Variants in FAM131A observed in about 807,000 individuals in gnomAD.
FAM131A encodes the protein family with sequence similarity 131 member A.
A neutral mutation model predicts 39.2 loss-of-function variants in FAM131A; 24 were observed. The ratio of observed to expected loss-of-function variants is 0.61; its 90% CI spans 0.44 to 0.86. FAM131A has a LOEUF of 0.86. FAM131A is among the 40% of genes least tolerant of loss of function. The pLI, the probability that FAM131A is intolerant of heterozygous loss-of-function variation, is 0.00. For missense variants in FAM131A, 373 were observed against 481.2 expected (o/e 0.78, Z 2.10); for synonymous variants, 202 against 206.8 (o/e 0.98, Z 0.20).
At position 184,345,073 on chromosome 3, in the gene FAM131A, CTAGAGGG is replaced by C. The variant is rs1727577073; in HGVS notation, c.*104_*110del. 4.4e-6 allele frequency: 5 copies of C among 1,131,896 alleles called. No individual in the cohort carries two copies. In the Admixed American group the frequency reaches 1.5e-4, roughly 34 times the overall value. The allele number at this position is 1,131,896 out of a possible 1,614,324, so 70.1% of individuals were successfully genotyped here. On this transcript the variant is annotated 3_prime_UTR_variant, in exon 6 of 6. Coordinates refer to ENST00000383847, the MANE Select transcript of FAM131A (RefSeq NM_144635.5). ...AAGGCTCCCAGCAGAGCTCCACAGC[CTAGAGGG>C]CTCCTGGGAGCGCTCGCTTCTCCGT...
rs764655184 is a variant in FAM131A, at chr3:184,341,424, G to T, written c.232-300G>T. On this transcript the variant is annotated intron_variant, in intron 2 of 5. Coordinates refer to ENST00000383847, the MANE Select transcript of FAM131A (RefSeq NM_144635.5). ...TTCCTCCTCTTCCCTCTCCTCAGAG[G>T]TCTCACTCGTGGTTCTTCATTTCCT... is the stretch of plus-strand genomic sequence containing the variant. 34 of 479,560 alleles carry T rather than the reference G, an allele frequency of 7.1e-5. 1 individual carries two copies. In the East Asian group the frequency reaches 1.3e-3, roughly 19 times the overall value. The allele number at this position is 479,560 out of a possible 1,614,324, so 29.7% of individuals were successfully genotyped here.
rs543561165 is a variant in FAM131A, at chr3:184,342,722, A to G, written c.509-22A>G. The G allele has an allele frequency of 2.5e-6, 4 of 1,602,638 alleles. 1 individual carries two copies. In the East Asian group the frequency reaches 9.0e-5, roughly 36 times the overall value. ...TAGACTTAGCTCACCTTCTCTGCTT[A>G]TGCATTCTGTCCCTGCGACAGGAGT... On this transcript the variant is annotated intron_variant, in intron 4 of 5. Coordinates refer to ENST00000383847, the MANE Select transcript of FAM131A (RefSeq NM_144635.5). This position sits in a 1 kb window ranked among gnomAD's most constrained non-coding sequence, Gnocchi z 4.6.
Position 184,338,300 on chromosome 3 carries a change from C to A in FAM131A, c.89-87C>A, listed in dbSNP as rs866254404. 46 of 1,347,958 alleles carry A rather than the reference C, an allele frequency of 3.4e-5. No homozygotes were observed. In the Middle Eastern group the frequency reaches 1.5e-3, roughly 45 times the overall value. 83.5% of individuals were successfully genotyped at this position (1,347,958 alleles called of 1,614,324 possible). ...GTCTTCTGGAAGGTGGGGGAGGGGC[C>A]GAGAAATGATACGGCAATACTGGAT... is the stretch of plus-strand genomic sequence containing the variant. On this transcript the variant is annotated intron_variant, in intron 1 of 5. Transcript: ENST00000383847.
rs751326317 is a variant in FAM131A, at chr3:184,345,480, C to T, written c.*510C>T. On this transcript the variant is annotated 3_prime_UTR_variant, in exon 6 of 6. Coordinates refer to ENST00000383847, the MANE Select transcript of FAM131A (RefSeq NM_144635.5). ...CCCTCCCGGAGCCTATGGGTTGAGC[C>T]GTCCCTCAAGGGCCCCTGCCCAGCT... The T allele has an allele frequency of 9.8e-5, 69 of 702,056 alleles. 2 individuals are homozygous for T. The highest frequency in any genetic ancestry group is 8.0e-4 in the South Asian group (54 of 67,464). The allele number at this position is 702,056 out of a possible 1,614,324, so 43.5% of individuals were successfully genotyped here.
At position 184,345,016 on chromosome 3, in the gene FAM131A, G is replaced by T; in HGVS notation, c.*46G>T. On this transcript the variant is annotated 3_prime_UTR_variant, in exon 6 of 6. Transcript: ENST00000383847. ...GGCATGCATCCCCCGGCTGCTGCCA[G>T]GGGCAGAGCCTCTGTGCCCAAGTGT... The T allele has an allele frequency of 1.4e-6, 2 of 1,456,316 alleles. No individual in the cohort carries two copies. The highest frequency in any genetic ancestry group is 1.8e-6 in the Non-Finnish European group (2 of 1,100,550). 90.2% of individuals were successfully genotyped at this position (1,456,316 alleles called of 1,614,324 possible).
At chr3:184,343,452 C>A (rs1424514678) in intron 5 of FAM131A, among the ~76,000 whole-genome samples, 1 of 152,240 alleles carries the variant, frequency 6.6e-6, no homozygotes, top group African/African-American at 2.4e-5. Flanking sequence ...GCCCTCCTTT[C>A]ATCTTTCATT....
At chr3:184,336,584 T>C (rs1477261840), upstream of FAM131A, among the ~76,000 whole-genome samples, 1 of 152,100 alleles carries the variant, frequency 6.6e-6, no homozygotes, top group Non-Finnish European at 1.5e-5. This position sits in a 1 kb window ranked among gnomAD's most constrained non-coding sequence, Gnocchi z 5.5. Flanking sequence ...CTTAAAGAGG[T>C]AGCCTTTCGG....
chr3:184,341,396 T>C, intron 2 of FAM131A: 1 of 388,270 alleles, frequency 2.6e-6, no homozygotes, highest in South Asian at 2.8e-5. Flanking sequence ...ACACTCTTCT[T>C]CCTTCCTCCT....
rs574874991 is a variant in FAM131A, at chr3:184,338,158, T to G, written c.89-229T>G. ...TCACCCTAGGGTTTTGAGGCAAAAT[T>G]TATCCAGAGCAGGAAGGTGGCAAGT... On this transcript the variant is annotated intron_variant, in intron 1 of 5. Coordinates refer to ENST00000383847, the MANE Select transcript of FAM131A (RefSeq NM_144635.5). 1.1e-4 allele frequency among the ~76,000 whole-genome samples: 16 copies of G among 152,096 alleles called. No homozygotes were observed. The East Asian group carries it at 2.9e-3, about 28-fold the overall frequency.
chr3:184,343,116 A>T, intron 5 of FAM131A: 1 of 168,942 alleles, frequency 5.9e-6, no homozygotes, highest in Non-Finnish European at 1.0e-5. Context: ...TGTGCCTTGC[A>T]GTCCTCAAAA....
At position 184,342,279 on chromosome 3, in the gene FAM131A, C is replaced by T; in HGVS notation, c.508+31C>T. On this transcript the variant is annotated intron_variant, in intron 4 of 5. Transcript: ENST00000383847. The surrounding 1 kb of genome is among the most constrained non-coding windows in gnomAD (Gnocchi z 4.6). ...TGGCAGAAAGGGGATAAGCTACACT[C>T]TTGGCACAGGGCTGCTTTCTTTCTT... is the stretch of plus-strand genomic sequence containing the variant. 1 of 1,556,536 alleles carries T rather than the reference C, an allele frequency of 6.4e-7. No individual in the cohort carries two copies. Among genetic ancestry groups the T allele is most frequent in the Non-Finnish European group, 8.7e-7 (1 of 1,155,282 alleles).
intron 2 of FAM131A, chr3:184,338,822 G>T (rs1727243497): frequency 5.9e-6 from 2 of 339,430 alleles, no homozygotes; most frequent in South Asian, 3.8e-5. Flanking sequence ...TTTTCTCTGG[G>T]CCTGGGCCGC....
Position 184,338,407 on chromosome 3 carries a change from G to T in FAM131A, c.109G>T (p.Ala37Ser). The T allele has an allele frequency of 1.4e-6, 2 of 1,476,752 alleles. No homozygotes were observed. The highest frequency in any genetic ancestry group is 9.0e-7 in the Non-Finnish European group (1 of 1,117,124). 91.5% of individuals were successfully genotyped at this position (1,476,752 alleles called of 1,614,324 possible). ...SRRVSSDPAW[A>S]VEWIELPRGL... ...CTCAGTGTCCTCGGACCCCGCTTGGGCTGTGGAGTGGATCGAACTTCCTCG... is the reference window on the plus strand; with the variant it reads ...CTCAGTGTCCTCGGACCCCGCTTGGTCTGTGGAGTGGATCGAACTTCCTCG... The change falls in exon 2 of 6, where the codon GCT becomes TCT. Residue 37 changes from alanine (A) to serine (S), a missense_variant. Around this residue, in one of 2 missense-constraint regions of FAM131A, gnomAD observed 221 missense variants for 347.7 expected, o/e 0.64. Coordinates refer to ENST00000383847, the MANE Select transcript of FAM131A (RefSeq NM_144635.5).
In FAM131A at chr3:184,344,732, G is replaced by C. The variant is rs747633688; in HGVS notation, c.863G>C (p.Ser288Thr). The change falls in exon 6 of 6, where the codon AGC becomes ACC. Residue 288 changes from serine to threonine, a missense_variant. Coordinates refer to ENST00000383847, the MANE Select transcript of FAM131A (RefSeq NM_144635.5). ...DELLLAKLPP[S>T]RESAFRSLGP... ...CTGCTTCTCGCCAAACTGCCCCCCA[G>C]CCGGGAAAGTGCCTTCCGCAGCCTG... is the stretch of plus-strand genomic sequence containing the variant. 1.9e-6 allele frequency: 3 copies of C among 1,612,188 alleles called. No homozygotes were observed. Among genetic ancestry groups the C allele is most frequent in the Non-Finnish European group, 2.5e-6 (3 of 1,179,996 alleles).
At chr3:184,338,593 C>T (rs1031857889) in intron 2 of FAM131A, 64 bp downstream of exon 2, 2 of 1,504,430 alleles carry the variant, frequency 1.3e-6, no homozygotes, top group South Asian at 1.2e-5. Flanking sequence ...TCTGCAGCCC[C>T]CACCCACGCC....
At chr3:184,338,724 G>A (rs770946744) in intron 2 of FAM131A, 195 bp downstream of exon 2, 6 of 611,870 alleles carry the variant, frequency 9.8e-6, no homozygotes, top group Non-Finnish European at 1.6e-5. Context: ...CGGAGAGCTC[G>A]CGCCTTCCGC....
chr3:184,345,544 TA>T lies in FAM131A; in HGVS notation c.*577del. 1 of 703,238 alleles carries T rather than the reference TA, an allele frequency of 1.4e-6. No individual in the cohort carries two copies. 43.6% of individuals were successfully genotyped at this position (703,238 alleles called of 1,614,324 possible). ...GCTTCATTCACCTCTCCATCGTCTC[TA>T]AATCTTCCTCTTTTTTCCTAAAGAC... On this transcript the variant is annotated 3_prime_UTR_variant, in exon 6 of 6. Coordinates refer to ENST00000383847, the MANE Select transcript of FAM131A (RefSeq NM_144635.5).
At chr3:184,341,393 T>TC (rs1363736229) in intron 2 of FAM131A, 3 of 380,260 alleles carry the variant, frequency 7.9e-6, no homozygotes, top group Non-Finnish European at 1.5e-5. Context: ...GCCACACTCT[T>TC]CTTCCTTCCT....
rs1263554175 is a variant in FAM131A at position 184,344,595 on chromosome 3, CG to C, written c.727del (p.Asp243ThrfsTer93). 5 of 1,612,068 alleles carry C rather than the reference CG, an allele frequency of 3.1e-6. No individual in the cohort carries two copies. Among genetic ancestry groups the C allele is most frequent in the Non-Finnish European group, 4.2e-6 (5 of 1,179,292 alleles). On this transcript the variant is annotated frameshift_variant, in exon 6 of 6. Coordinates refer to ENST00000383847, the MANE Select transcript of FAM131A (RefSeq NM_144635.5). LOFTEE classifies it high-confidence loss of function. ...GCCAGGGCTCCGTGGAGCCTGAGAG[CG>C]ACTGCTCACAGACCGTGTCCCCAGA... Reference protein sequence around the residue: ...VRQGSVEPESDCSQTVSPDTL... With the variant: ...VRQGSVEPESXCSQTVSPDTL...
Sources: allele counts gnomAD v4.1 joint callset (sites outside exome capture counted in the v4.1 genomes callset), GRCh38; gene constraint gnomAD v4.1.1; regional missense constraint gnomAD v4.1.1; non-coding constraint Gnocchi (gnomAD v3.1); transcripts MANE v1.5; gene names NCBI Gene and HGNC (gene_info 2026-07-23, HGNC 2026-07-21).